The following CDH4 variants were observed in gnomAD, a reference collection of about 807,000 sequenced individuals.
CDH4 encodes the protein cadherin 4.
In CDH4, 33 loss-of-function variants were observed where a neutral mutation model predicts 86.0. The ratio of observed to expected loss-of-function variants is 0.38; its 90% confidence interval spans 0.29 to 0.51. The LOEUF (loss-of-function observed/expected upper bound fraction) is 0.51, where lower values mean the gene tolerates loss of function less well. Among genes scored for constraint, CDH4 ranks in the 20% least tolerant of loss-of-function variants. CDH4 has a pLI of 0.86. For synonymous variants in CDH4, 555 were observed against 549.4 expected, an observed-to-expected ratio of 1.01 and a Z score of -0.14; for missense variants, 1,114 against 1,307.4, an observed-to-expected ratio of 0.85 and a Z score of 2.28.
At position 61,393,660 on chromosome 20, in the gene CDH4, C is replaced by T. The variant is rs767923215; in HGVS notation, c.169+138723C>T. ...GCATAGTGGTTGCAGCGAGGATCAT[C>T]GAAGTAGACCTGGCTGGGTGAGAGT... is the stretch of plus-strand genomic sequence containing the variant. On this transcript the variant is annotated intron_variant, in intron 2 of 15. Transcript: ENST00000614565. The surrounding 1 kb of genome is among the most constrained non-coding windows in gnomAD (Gnocchi z 4.3). 1.3e-5 allele frequency among the ~76,000 whole-genome samples: 2 copies of T among 152,102 alleles called. No homozygotes were observed. The highest frequency in any genetic ancestry group is 6.5e-5 in the Admixed American group (1 of 15,274).
intron 4 of CDH4, among the ~76,000 whole-genome samples, chr20:61,808,341 A>AAAATAAATAAATAAATAAATAAATAAAT (rs534974250): frequency 6.6e-6 from 1 of 151,744 alleles, no homozygotes; most frequent in East Asian, 1.9e-4. Context: ...ACCAGCTGCA[A>AAAATAAATAAATAAATAAATAAATAAAT]AAATAAATAA....
At chr20:61,756,557 T>C (rs1417054424) in intron 3 of CDH4, among the ~76,000 whole-genome samples, 4 of 17,070 alleles carry the variant, frequency 2.3e-4, no homozygotes, top group African/African-American at 9.6e-4. Context: ...GGACCCTCCC[T>C]CATCCCCGGG....
chr20:61,334,638 A>C (rs940221253), intron 2 of CDH4, among the ~76,000 whole-genome samples: 13 of 151,736 alleles, frequency 8.6e-5, no homozygotes, highest in African/African-American at 3.1e-4. Context: ...AGAGGACCCA[A>C]CCCCTCCCAA....
chr20:61,476,299 C>G (rs1490934281), intron 2 of CDH4, among the ~76,000 whole-genome samples: 1 of 152,220 alleles, frequency 6.6e-6, no homozygotes, highest in Non-Finnish European at 1.5e-5. Flanking sequence ...TGGTTCCTGT[C>G]CTCGGTAGAC....
intron 2 of CDH4, among the ~76,000 whole-genome samples, chr20:61,328,734 C>A (rs1345775357): frequency 6.6e-6 from 1 of 152,118 alleles, no homozygotes; most frequent in African/African-American, 2.4e-5. Flanking sequence ...TGCAGTGAGC[C>A]CTCATTGTGC....
At chr20:61,743,447 ACCTCATGCC>A (rs1266959923) in intron 2 of CDH4, 107 bp from the exon 3 acceptor site, 3 of 747,122 alleles carry the variant, frequency 4.0e-6, no homozygotes, top group African/African-American at 1.7e-5. Context: ...ATCAGTGCAA[ACCTCATGCC>A]CCTCATGCCC....
At chr20:61,493,808 A>G (rs1371135549) in intron 2 of CDH4, among the ~76,000 whole-genome samples, 3 of 152,204 alleles carry the variant, frequency 2.0e-5, no homozygotes, top group Non-Finnish European at 2.9e-5. Flanking sequence ...CCCTCCAGAA[A>G]GAGAGCAGAC....
Position 61,501,787 on chromosome 20 carries a change from C to A in CDH4, c.170-241776C>A, listed in dbSNP as rs778618190. 6.6e-6 allele frequency among the ~76,000 whole-genome samples: 1 copy of A among 152,128 alleles called. No individual in the cohort carries two copies. The highest frequency in any genetic ancestry group is 1.5e-5 in the Non-Finnish European group (1 of 68,028). On this transcript the variant is annotated intron_variant, in intron 2 of 15. Transcript: ENST00000614565. This position sits in a 1 kb window ranked among gnomAD's most constrained non-coding sequence, Gnocchi z 4.2. ...TCATTATGGGACGGACCACCAGACGCGACTAATGAAACTTTTCTGTTCTCT... is the reference window on the plus strand; with the variant it reads ...TCATTATGGGACGGACCACCAGACGAGACTAATGAAACTTTTCTGTTCTCT...
At chr20:61,863,974 A>G (rs535241029) in intron 6 of CDH4, among the ~76,000 whole-genome samples, 6 of 152,218 alleles carry the variant, frequency 3.9e-5, no homozygotes, top group South Asian at 2.1e-4. Context: ...CTGCCCCACA[A>G]TTCACATCCA....
At chr20:61,696,651 C>T (rs1429180762) in intron 2 of CDH4, among the ~76,000 whole-genome samples, 2 of 152,232 alleles carry the variant, frequency 1.3e-5, no homozygotes, top group African/African-American at 2.4e-5. Context: ...CTCTGACCCA[C>T]TACCCTCCAT....
intron 2 of CDH4, among the ~76,000 whole-genome samples, chr20:61,396,526 T>C (rs2085018219): frequency 6.6e-6 from 1 of 152,230 alleles, no homozygotes; most frequent in Admixed American, 6.5e-5. Context: ...TGCCCTCACC[T>C]GGCCATGGAA....
At chr20:61,453,624 C>T (rs924888186) in intron 2 of CDH4, among the ~76,000 whole-genome samples, 2 of 152,186 alleles carry the variant, frequency 1.3e-5, no homozygotes, top group Admixed American at 1.3e-4. Context: ...GGGCAGCTCA[C>T]CTGCAGACAA....
At chr20:61,820,161 C>A (rs998312333) in intron 4 of CDH4, among the ~76,000 whole-genome samples, 3 of 152,064 alleles carry the variant, frequency 2.0e-5, no homozygotes, top group African/African-American at 7.3e-5. Context: ...GGGCCCAGGT[C>A]ACTTGGCATC....
intron 2 of CDH4, among the ~76,000 whole-genome samples, chr20:61,348,496 C>T (rs984019264): frequency 1.3e-5 from 2 of 152,176 alleles, no homozygotes; most frequent in Non-Finnish European, 2.9e-5. Context: ...GCGGTTCCCT[C>T]CACCAAGACC....
rs1320505625 is a variant in CDH4 at position 61,682,401 on chromosome 20, T to TGGACAGAG, written c.170-61154_170-61147dup. 2.7e-5 allele frequency among the ~76,000 whole-genome samples: 3 copies of TGGACAGAG among 110,238 alleles called. 1 individual carries two copies. The allele number at this position is 110,238 out of a possible 152,430, so 72.3% of individuals were successfully genotyped here. A position where few individuals can be genotyped will look rare whatever the true frequency, so the allele number is the denominator to read the frequency against. ...GATGGATGATGGATGGATAGATGGA[T>TGGACAGAG]GGACAGAGGGACAGATGGAAGGATG... On this transcript the variant is annotated intron_variant, in intron 2 of 15. Coordinates refer to ENST00000614565, the MANE Select transcript of CDH4 (RefSeq NM_001794.5).
intron 2 of CDH4, among the ~76,000 whole-genome samples, chr20:61,580,120 T>TGAA (rs146706590): frequency 2.1e-5 from 3 of 143,954 alleles, no homozygotes; most frequent in African/African-American, 5.5e-5. Context: ...CTTACACTGC[T>TGAA]ACAAAAAAAA....
intron 2 of CDH4, among the ~76,000 whole-genome samples, chr20:61,720,616 G>GGGGTACAGAGTGCAT (rs1295426379): frequency 2.6e-4 from 9 of 34,710 alleles, no homozygotes; most frequent in African/African-American, 2.1e-3. Flanking sequence ...GCAGCATGCA[G>GGGGTACAGAGTGCAT]GGGTGCAGAG....
At chr20:61,884,883 CG>C (rs1273726706) in intron 7 of CDH4, among the ~76,000 whole-genome samples, 2 of 152,056 alleles carry the variant, frequency 1.3e-5, no homozygotes, top group African/African-American at 2.4e-5. Context: ...GCGGGAGGTG[CG>C]GGGTTGGGAC....
chr20:61,588,022 A>T (rs547790734), intron 2 of CDH4, among the ~76,000 whole-genome samples: 1 of 152,364 alleles, frequency 6.6e-6, no homozygotes, highest in South Asian at 2.1e-4. Context: ...GCATTTTAAA[A>T]ACATAAATGA....
Sources: allele counts gnomAD v4.1 joint callset (sites outside exome capture counted in the v4.1 genomes callset), GRCh38; gene constraint gnomAD v4.1.1; non-coding constraint Gnocchi (gnomAD v3.1); transcripts MANE v1.5; gene names NCBI Gene and HGNC (gene_info 2026-07-23, HGNC 2026-07-21).